CACNB2: variants seen among roughly 807,000 people sequenced by gnomAD.
CACNB2 encodes the protein calcium voltage-gated channel auxiliary subunit beta 2.
A neutral mutation model predicts 73.3 loss-of-function variants in CACNB2; 42 were observed. That is an observed-to-expected ratio of 0.57 (90% CI 0.45 to 0.74). The LOEUF (loss-of-function observed/expected upper bound fraction) is 0.74. Among genes scored for constraint, CACNB2 ranks in the 30% least tolerant of loss-of-function variants. CACNB2 has a pLI of 0.00. For synonymous variants in CACNB2, 348 were observed against 310.3 expected (o/e 1.12, Z -1.28); for missense variants, 940 against 853.0 (o/e 1.10, Z -1.27).
At chr10:18,261,318 G>A in intron 2 of CACNB2, 1 of 1,551,576 alleles carries the variant, frequency 6.4e-7, no homozygotes, top group Non-Finnish European at 8.7e-7. Flanking sequence ...GGTGTCCTAT[G>A]TAAGTTTCTA....
intron 7 of CACNB2, among the ~76,000 whole-genome samples, chr10:18,515,759 C>G (rs1317585614): frequency 6.6e-6 from 1 of 152,168 alleles, no homozygotes; most frequent in Middle Eastern, 3.2e-3. Context: ...CTAACAGTGT[C>G]TATCATTCAG....
chr10:18,455,807 T>C (rs561662582), intron 3 of CACNB2, among the ~76,000 whole-genome samples: 2 of 152,308 alleles, frequency 1.3e-5, no homozygotes, highest in Non-Finnish European at 2.9e-5. Context: ...GCAAAAGTGG[T>C]GGGCTTCTAA....
At chr10:18,472,050 C>G (rs911763362) in intron 3 of CACNB2, among the ~76,000 whole-genome samples, 10 of 152,084 alleles carry the variant, frequency 6.6e-5, no homozygotes, top group Non-Finnish European at 1.5e-5. Context: ...GGCTCCTTCA[C>G]TGCCCCCATT....
intron 2 of CACNB2, among the ~76,000 whole-genome samples, chr10:18,262,525 A>G (rs1399065714): frequency 6.6e-6 from 1 of 152,216 alleles, no homozygotes; most frequent in Non-Finnish European, 1.5e-5. Flanking sequence ...ATTTCTAAAG[A>G]CGACATCTGC....
chr10:18,419,346 T>C (rs1298937335), intron 3 of CACNB2, among the ~76,000 whole-genome samples: 1 of 33,706 alleles, frequency 3.0e-5, no homozygotes, highest in Non-Finnish European at 6.0e-5. Flanking sequence ...GACACTGTGG[T>C]GTATGTTAGG....
chr10:18,375,940 C>T (rs1174063982), intron 2 of CACNB2, among the ~76,000 whole-genome samples: 2 of 152,090 alleles, frequency 1.3e-5, no homozygotes, highest in Non-Finnish European at 2.9e-5. Flanking sequence ...ATGGAGGTTG[C>T]TCAAAAAACT....
intron 2 of CACNB2, among the ~76,000 whole-genome samples, chr10:18,381,147 T>G (rs2042998829): frequency 6.6e-6 from 1 of 151,334 alleles, no homozygotes. Flanking sequence ...ATTCTACTGC[T>G]GGCTGCCATT....
intron 2 of CACNB2, among the ~76,000 whole-genome samples, chr10:18,176,156 C>T (rs1356318567): frequency 2.0e-5 from 3 of 152,054 alleles, no homozygotes; most frequent in Non-Finnish European, 4.4e-5. Flanking sequence ...TAGTGCTCAC[C>T]ACACAATTGT....
At chr10:18,299,485 C>G (rs2039419359) in intron 2 of CACNB2, among the ~76,000 whole-genome samples, 1 of 152,124 alleles carries the variant, frequency 6.6e-6, no homozygotes, top group Non-Finnish European at 1.5e-5. Flanking sequence ...TTTGGATATA[C>G]TAATTAGTCT....
At chr10:18,174,853 A>T (rs1281155945) in intron 2 of CACNB2, among the ~76,000 whole-genome samples, 2 of 152,170 alleles carry the variant, frequency 1.3e-5, no homozygotes, top group African/African-American at 4.8e-5. Context: ...GTTTTCCCTC[A>T]ACTAAAAAAA....
chr10:18,487,010 T>C (rs1255344826), intron 3 of CACNB2, among the ~76,000 whole-genome samples: 7 of 152,152 alleles, frequency 4.6e-5, no homozygotes, highest in African/African-American at 1.7e-4. Context: ...TCTGGTTTCA[T>C]GGTGAAACGC....
intron 2 of CACNB2, among the ~76,000 whole-genome samples, chr10:18,383,829 C>T (rs527390367): frequency 1.2e-4 from 19 of 152,266 alleles, no homozygotes; most frequent in African/African-American, 4.1e-4. Flanking sequence ...CCTCAGCCTC[C>T]AGAGTAGCTA....
chr10:18,204,865 A>C (rs977641064), intron 2 of CACNB2, among the ~76,000 whole-genome samples: 1 of 152,028 alleles, frequency 6.6e-6, no homozygotes, highest in Non-Finnish European at 1.5e-5. Flanking sequence ...CTTTCTGTAT[A>C]GAGTCAATTT....
At chr10:18,522,150 G>C (rs28736563) in intron 9 of CACNB2, among the ~76,000 whole-genome samples, 6,616 of 151,950 alleles carry the variant, frequency 0.044, 424 homozygotes, top group African/African-American at 0.15. Flanking sequence ...CTAATGCCTG[G>C]TGTTCTTTCA....
At chr10:18,261,502 C>G (rs1431089917) in intron 2 of CACNB2, among the ~76,000 whole-genome samples, 1 of 152,068 alleles carries the variant, frequency 6.6e-6, no homozygotes, top group Non-Finnish European at 1.5e-5. Flanking sequence ...TTTATTTTTT[C>G]CCAGAGATGT....
Position 18,534,759 on chromosome 10 carries a change from C to T in CACNB2, c.1206+532C>T, listed in dbSNP as rs796781534. On this transcript the variant is annotated intron_variant, in intron 11 of 13. Transcript: ENST00000324631. ...CTAAAACAAAGTACACACAAAGCTC[C>T]TGCTGTATACCAAAAAGTAAGGACA... is the stretch of plus-strand genomic sequence containing the variant. Among the ~76,000 whole-genome samples, 6 of 152,334 alleles carry T rather than the reference C, an allele frequency of 3.9e-5. No individual in the cohort carries two copies. The East Asian group carries it at 9.6e-4, about 24-fold the overall frequency.
intron 2 of CACNB2, among the ~76,000 whole-genome samples, chr10:18,348,851 G>T (rs1262517392): frequency 2.0e-5 from 3 of 152,166 alleles, no homozygotes; most frequent in Admixed American, 1.3e-4. Context: ...AGGCAAGATG[G>T]CTGATGCCTG....
At chr10:18,306,085 C>T (rs565580909) in intron 2 of CACNB2, among the ~76,000 whole-genome samples, 1 of 152,224 alleles carries the variant, frequency 6.6e-6, no homozygotes, top group Admixed American at 6.5e-5. Context: ...GAAGAGACAG[C>T]CAGGGGGCCA....
At chr10:18,223,060 C>T (rs968577622) in intron 2 of CACNB2, among the ~76,000 whole-genome samples, 3 of 152,134 alleles carry the variant, frequency 2.0e-5, no homozygotes, top group African/African-American at 7.2e-5. Flanking sequence ...TGACACAACT[C>T]CAGAAGGCTT....
Sources: allele counts gnomAD v4.1 joint callset (sites outside exome capture counted in the v4.1 genomes callset), GRCh38; gene constraint gnomAD v4.1.1; transcripts MANE v1.5; gene names NCBI Gene and HGNC (gene_info 2026-07-23, HGNC 2026-07-21).